Variants in GSDME observed in about 807,000 individuals in gnomAD.
The protein encoded by GSDME is gasdermin E.
In GSDME, 44 loss-of-function variants were observed where a neutral mutation model predicts 47.5. The ratio of observed to expected loss-of-function variants is 0.93; its 90% CI spans 0.73 to 1.19. The LOEUF (loss-of-function observed/expected upper bound fraction) is 1.19. Ranked by LOEUF, GSDME falls within the 50% of genes most tolerant of loss-of-function variation. The pLI, the probability that GSDME is intolerant of heterozygous loss-of-function variation, is 0.00. For missense variants in GSDME, 663 were observed against 604.2 expected, an observed-to-expected ratio of 1.10 and a Z score of -1.02; for synonymous variants, 258 against 252.8, an observed-to-expected ratio of 1.02 and a Z score of -0.20.
the GSDME span, among the ~76,000 whole-genome samples, chr7:24,788,106 G>T: frequency 1.3e-5 from 2 of 152,184 alleles, no homozygotes; most frequent in African/African-American, 2.4e-5. This position sits in a 1 kb window ranked among gnomAD's most constrained non-coding sequence, Gnocchi z 4.6. Flanking sequence ...GCTCTTATGC[G>T]TATCTACTTA....
upstream of GSDME, chr7:24,758,182 T>A (rs185904190): frequency 3.9e-5 from 6 of 152,360 alleles, no homozygotes; most frequent in East Asian, 1.2e-3. The surrounding 1 kb of genome is among the most constrained non-coding windows in gnomAD (Gnocchi z 4.6). Context: ...AACCATTACT[T>A]AAGTTGTTAC....
chr7:24,700,104 A>C (rs1397090512), intron 9 of GSDME, among the ~76,000 whole-genome samples: 1 of 151,844 alleles, frequency 6.6e-6, no homozygotes, highest in South Asian at 2.1e-4. Context: ...ACTCAGCCTT[A>C]TGTTACTCCA....
chr7:24,766,932 C>T, the GSDME span, among the ~76,000 whole-genome samples: 3 of 152,302 alleles, frequency 2.0e-5, no homozygotes, highest in South Asian at 2.1e-4. This position sits in a 1 kb window ranked among gnomAD's most constrained non-coding sequence, Gnocchi z 4.2. Flanking sequence ...AGTGTAAAAG[C>T]GTTCCTATTT....
the GSDME span, among the ~76,000 whole-genome samples, chr7:24,787,736 T>C: frequency 6.6e-6 from 1 of 152,166 alleles, no homozygotes; most frequent in Non-Finnish European, 1.5e-5. This position sits in a 1 kb window ranked among gnomAD's most constrained non-coding sequence, Gnocchi z 5.0. Context: ...AGACAGAGTC[T>C]CGCTCTGTCG....
In GSDME at chr7:24,725,744, C is replaced by CT. The variant is rs1171536736; in HGVS notation, c.405-6527dup. On this transcript the variant is annotated intron_variant, in intron 3 of 9. Transcript: ENST00000645220. This position sits in a 1 kb window ranked among gnomAD's most constrained non-coding sequence, Gnocchi z 5.1. ...ATAACTGATTAGGTCAGGGGTCAATCTTTAACGACCAGGCCCAGGGTGTGA... is the reference window on the plus strand; with the variant it reads ...ATAACTGATTAGGTCAGGGGTCAATCTTTTAACGACCAGGCCCAGGGTGTGA... 6.6e-6 allele frequency among the ~76,000 whole-genome samples: 1 copy of CT among 152,166 alleles called. No homozygotes were observed. The highest frequency in any genetic ancestry group is 2.4e-5 in the African/African-American group (1 of 41,432).
Position 24,725,772 on chromosome 7 carries a change from C to T in GSDME, c.405-6554G>A, listed in dbSNP as rs1049369683. 4.6e-5 allele frequency among the ~76,000 whole-genome samples: 7 copies of T among 152,068 alleles called. No homozygotes were observed. Among genetic ancestry groups the T allele is most frequent in the South Asian group, 2.1e-4 (1 of 4,810 alleles). Reference sequence around the variant, plus strand: ...TAACGACCAGGCCCAGGGTGTGACGCCGGGCTGTCTGCTTGTGGATTTCAT... The same window carrying T: ...TAACGACCAGGCCCAGGGTGTGACGTCGGGCTGTCTGCTTGTGGATTTCAT... On this transcript the variant is annotated intron_variant, in intron 3 of 9. Coordinates refer to ENST00000645220, the MANE Select transcript of GSDME (RefSeq NM_001127453.2). The surrounding 1 kb of genome is among the most constrained non-coding windows in gnomAD (Gnocchi z 5.1).
At chr7:24,768,603 C>T in the GSDME span, among the ~76,000 whole-genome samples, 4 of 152,164 alleles carry the variant, frequency 2.6e-5, no homozygotes, top group Non-Finnish European at 4.4e-5. The surrounding 1 kb of genome is among the most constrained non-coding windows in gnomAD (Gnocchi z 5.6). Context: ...CCAAGTGGTA[C>T]AGCACACAAG....
At chr7:24,758,627 G>A (rs1199477407), upstream of GSDME, among the ~76,000 whole-genome samples, 2 of 152,142 alleles carry the variant, frequency 1.3e-5, no homozygotes, top group Non-Finnish European at 2.9e-5. The surrounding 1 kb of genome is among the most constrained non-coding windows in gnomAD (Gnocchi z 4.6). Flanking sequence ...AGAGAAGCCC[G>A]GCAGCGCTTT....
chr7:24,727,643 A>G (rs1207348172), intron 3 of GSDME, among the ~76,000 whole-genome samples: 1 of 152,252 alleles, frequency 6.6e-6, no homozygotes, highest in Non-Finnish European at 1.5e-5. Context: ...CATTGCCTGT[A>G]AACTCCTTGG....
Position 24,719,792 on chromosome 7 carries a change from C to CA in GSDME, c.405-575dup, listed in dbSNP as rs531173864. On this transcript the variant is annotated intron_variant, in intron 3 of 9. Coordinates refer to ENST00000645220, the MANE Select transcript of GSDME (RefSeq NM_001127453.2). Reference sequence around the variant, plus strand: ...AGGGCAACAGAGCAAGACTCCATCTCAAAAAAAAAAAGGAAAAGAAAAGAA... The same window carrying CA: ...AGGGCAACAGAGCAAGACTCCATCTCAAAAAAAAAAAAGGAAAAGAAAAGAA... Among the ~76,000 whole-genome samples, 1,103 of 140,644 alleles carry CA rather than the reference C, an allele frequency of 7.8e-3. 15 individuals carry two copies. The highest frequency in any genetic ancestry group is 0.022 in the African/African-American group (860 of 38,396). 92.3% of individuals were successfully genotyped at this position (140,644 alleles called of 152,430 possible).
chr7:24,729,701 A>C (rs1203375325), intron 3 of GSDME, among the ~76,000 whole-genome samples: 2 of 152,176 alleles, frequency 1.3e-5, no homozygotes, highest in Non-Finnish European at 2.9e-5. Flanking sequence ...CAGGAACTGA[A>C]ATTAGCTCAG....
Position 24,699,264 on chromosome 7 carries a change from A to G in GSDME, c.1258-5T>C. 3.1e-6 allele frequency: 5 copies of G among 1,592,216 alleles called. No individual in the cohort carries two copies. Among genetic ancestry groups the G allele is most frequent in the Non-Finnish European group, 4.3e-6 (5 of 1,160,062 alleles). On this transcript the variant is annotated splice_polypyrimidine_tract_variant and splice_region_variant and intron_variant, in intron 9 of 9. Transcript: ENST00000645220. ...ATCATCAGACAGAGCACGAAGCTGAAATGACACATTTAAACAAATTCACTT... is the reference window on the plus strand; with the variant it reads ...ATCATCAGACAGAGCACGAAGCTGAGATGACACATTTAAACAAATTCACTT...
the GSDME span, among the ~76,000 whole-genome samples, chr7:24,783,557 C>T: frequency 4.1e-4 from 63 of 152,280 alleles, no homozygotes; most frequent in African/African-American, 1.3e-3. Flanking sequence ...ACACACATCA[C>T]GCTGAGGTGT....
chr7:24,707,406 C>A (rs1346457828), intron 7 of GSDME: 3 of 471,614 alleles, frequency 6.4e-6, no homozygotes, highest in Non-Finnish European at 1.3e-5. Context: ...GGAACTTGAC[C>A]TCCCCAGGAT....
In GSDME at chr7:24,706,262, C is replaced by T. The variant is rs751052959; in HGVS notation, c.1105G>A (p.Gly369Ser). 1 of 1,614,224 alleles carries T rather than the reference C, an allele frequency of 6.2e-7. No individual in the cohort carries two copies. Among genetic ancestry groups the T allele is most frequent in the Non-Finnish European group, 8.5e-7 (1 of 1,180,050 alleles). ...FLQLVGCSLQ[G>S]GCPGPEDAGS... is the part of the protein sequence containing the mutation. ...GCATCCTCGGGGCCCGGACACCCAC[C>T]CTGTAAGCTGCACCCCACCAGCTGC... is the stretch of plus-strand genomic sequence containing the variant. Residue 369 changes from glycine to serine, a missense_variant, in exon 8 of 10, where the codon GGT (glycine) becomes AGT (serine). Gly to Ser is a moderately conservative substitution (Grantham distance 56). Coordinates refer to ENST00000645220, the MANE Select transcript of GSDME (RefSeq NM_001127453.2).
the GSDME span, among the ~76,000 whole-genome samples, chr7:24,795,178 G>A: frequency 1.3e-5 from 2 of 152,154 alleles, no homozygotes; most frequent in Non-Finnish European, 2.9e-5. Flanking sequence ...ACCGTGCGCT[G>A]CTCTGGCGAG....
chr7:24,710,075 T>C (rs773866382), intron 6 of GSDME, 149 bp downstream of exon 6: 2 of 862,506 alleles, frequency 2.3e-6, no homozygotes, highest in Non-Finnish European at 1.9e-6. Flanking sequence ...TCCTGCCGAG[T>C]GGACTGGGCC....
At position 24,699,265 on chromosome 7, in the gene GSDME, A is replaced by G. The variant is rs763809062; in HGVS notation, c.1258-6T>C. The G allele has an allele frequency of 5.0e-6, 8 of 1,591,334 alleles. No homozygotes were observed. In the Admixed American group the frequency reaches 8.3e-5, roughly 17 times the overall value. On this transcript the variant is annotated splice_polypyrimidine_tract_variant and splice_region_variant and intron_variant, in intron 9 of 9. Transcript: ENST00000645220. ...TCATCAGACAGAGCACGAAGCTGAAATGACACATTTAAACAAATTCACTTT... is the reference window on the plus strand; with the variant it reads ...TCATCAGACAGAGCACGAAGCTGAAGTGACACATTTAAACAAATTCACTTT...
chr7:24,754,377 C>T lies in GSDME; in HGVS notation c.-20+3019G>A, dbSNP rs1379830914. Among the ~76,000 whole-genome samples, 1 of 151,628 alleles carries T rather than the reference C, an allele frequency of 6.6e-6. No homozygotes were observed. Among genetic ancestry groups the T allele is most frequent in the Non-Finnish European group, 1.5e-5 (1 of 67,930 alleles). ...GTGGCAGGCAGTAATCCCAGCTACT[C>T]GGGAGGCTGAGGCAGGAGAATCACT... is the stretch of plus-strand genomic sequence containing the variant. On this transcript the variant is annotated intron_variant, in intron 1 of 9. Coordinates refer to ENST00000645220, the MANE Select transcript of GSDME (RefSeq NM_001127453.2). The surrounding 1 kb of genome is among the most constrained non-coding windows in gnomAD (Gnocchi z 5.0).
Sources: gnomAD v4.1 joint callset for allele counts (sites outside exome capture counted in the v4.1 genomes callset) on GRCh38, gnomAD v4.1.1 for gene constraint, Gnocchi (gnomAD v3.1) non-coding constraint, MANE v1.5 for transcripts, NCBI Gene and HGNC (gene_info 2026-07-23, HGNC 2026-07-21) for gene names.